SLC4A10: variants seen among roughly 807,000 people sequenced by gnomAD.
SLC4A10 encodes solute carrier family 4 member 10.
A neutral mutation model predicts 137.7 loss-of-function variants in SLC4A10; 42 were observed. The ratio of observed to expected loss-of-function variants is 0.30; its 90% CI spans 0.24 to 0.39. The LOEUF is 0.39. Ranked by LOEUF, SLC4A10 falls within the 10% of genes least tolerant of loss-of-function variation. The pLI, the probability that SLC4A10 is intolerant of heterozygous loss-of-function variation, is 1.00. For synonymous variants in SLC4A10, 474 were observed against 464.1 expected (o/e 1.02, Z -0.27); for missense variants, 925 against 1,355.0 (o/e 0.68, Z 4.98).
chr2:161,886,998 G>A (rs1292347126), intron 10 of SLC4A10, among the ~76,000 whole-genome samples: 1 of 151,644 alleles, frequency 6.6e-6, no homozygotes, highest in African/African-American at 2.4e-5. Flanking sequence ...GTGTCCATGT[G>A]TTCTCATTGT....
chr2:161,700,673 G>A (rs2043034287), intron 1 of SLC4A10, among the ~76,000 whole-genome samples: 2 of 152,082 alleles, frequency 1.3e-5, no homozygotes, highest in African/African-American at 4.8e-5. Flanking sequence ...TTTTACAGAT[G>A]AGGAAACTTA....
intron 3 of SLC4A10, among the ~76,000 whole-genome samples, chr2:161,836,100 G>A (rs2892796): frequency 0.067 from 10,254 of 152,304 alleles, 456 homozygotes; most frequent in East Asian, 0.17. Context: ...ATGATGTCAA[G>A]ACAAGCTGTG....
chr2:161,843,466 A>G (rs1449168398), intron 4 of SLC4A10, among the ~76,000 whole-genome samples: 2 of 152,170 alleles, frequency 1.3e-5, no homozygotes, highest in African/African-American at 2.4e-5. Context: ...TGCATGCTAT[A>G]GCTGTTTGAG....
intron 3 of SLC4A10, among the ~76,000 whole-genome samples, chr2:161,833,231 T>G (rs969612541): frequency 6.6e-6 from 1 of 152,244 alleles, no homozygotes; most frequent in East Asian, 1.9e-4. Flanking sequence ...ATATCTTTTT[T>G]GCTCAGACTC....
intron 11 of SLC4A10, 71 bp from the exon 12 acceptor site, chr2:161,900,840 G>A: frequency 9.1e-7 from 1 of 1,095,048 alleles, no homozygotes; most frequent in Admixed American, 2.7e-5. Context: ...AAAATGAACT[G>A]TTATTATTAT....
intron 10 of SLC4A10, among the ~76,000 whole-genome samples, chr2:161,887,230 T>A (rs978526359): frequency 5.3e-5 from 8 of 152,178 alleles, no homozygotes; most frequent in Non-Finnish European, 1.2e-4. Flanking sequence ...TTTGCTATTG[T>A]GAATAGTGCT....
chr2:161,941,494 G>A (rs1315995883), intron 15 of SLC4A10, among the ~76,000 whole-genome samples: 1 of 152,128 alleles, frequency 6.6e-6, no homozygotes, highest in African/African-American at 2.4e-5. Flanking sequence ...TATGTCCCAT[G>A]TTCACTTTGG....
At chr2:161,862,727 C>A in intron 5 of SLC4A10, 147 bp from the exon 6 acceptor site, 1 of 578,942 alleles carries the variant, frequency 1.7e-6, no homozygotes, top group Non-Finnish European at 2.6e-6. Flanking sequence ...TTTATAACAG[C>A]ATGCTTAGAG....
rs1436816864 is a variant in SLC4A10 at position 161,978,906 on chromosome 2, TC to T, written c.*26+1147del. On this transcript the variant is annotated intron_variant, in intron 26 of 26. Coordinates refer to ENST00000446997, the MANE Select transcript of SLC4A10 (RefSeq NM_001178015.2). ...TTCTAAAACATGCTTTAACTTCCTT[TC>T]TCAAAGATCCTTGCTACAGTCTGAT... is the stretch of plus-strand genomic sequence containing the variant. Among the ~76,000 whole-genome samples the T allele has an allele frequency of 2.6e-5, 4 of 152,218 alleles. No individual in the cohort carries two copies. The East Asian group carries it at 7.7e-4, about 29-fold the overall frequency.
At chr2:161,933,187 C>A (rs1257701564) in intron 15 of SLC4A10, among the ~76,000 whole-genome samples, 1 of 19,122 alleles carries the variant, frequency 5.2e-5, no homozygotes, top group Non-Finnish European at 1.1e-4. Context: ...TCCTTCTTTT[C>A]TTTCTTTCTT....
intron 1 of SLC4A10, among the ~76,000 whole-genome samples, chr2:161,762,041 A>C (rs913672450): frequency 6.6e-6 from 1 of 152,140 alleles, no homozygotes; most frequent in East Asian, 1.9e-4. Flanking sequence ...TGCGTAAATA[A>C]ATGAAACCTA....
Position 161,624,458 on chromosome 2 carries a change from T to C in SLC4A10, c.-61T>C. On this transcript the variant is annotated 5_prime_UTR_variant, in exon 1 of 27. Transcript: ENST00000446997. The stretch of plus-strand genomic sequence containing the variant: ...ATACTAAGCAGAGCGAGTGCCGGGC[T>C]GAGTGTAAGACACTGAAGACACTGC... The C allele has an allele frequency of 6.4e-7, 1 of 1,550,638 alleles. No individual in the cohort carries two copies. Among genetic ancestry groups the C allele is most frequent in the Non-Finnish European group, 8.7e-7 (1 of 1,146,250 alleles).
At chr2:161,783,393 A>T (rs2053266795) in intron 2 of SLC4A10, among the ~76,000 whole-genome samples, 1 of 152,016 alleles carries the variant, frequency 6.6e-6, no homozygotes, top group Admixed American at 6.6e-5. Flanking sequence ...ATGAAAGGAC[A>T]CTAAACAGCA....
At chr2:161,964,647 G>A (rs572965682) in intron 22 of SLC4A10, among the ~76,000 whole-genome samples, 48 of 152,114 alleles carry the variant, frequency 3.2e-4, no homozygotes, top group African/African-American at 1.1e-3. Context: ...AATGTTTCAG[G>A]CAAGTTTCAA....
At chr2:161,919,256 A>G (rs780685036) in intron 15 of SLC4A10, among the ~76,000 whole-genome samples, 3 of 152,094 alleles carry the variant, frequency 2.0e-5, no homozygotes, top group Non-Finnish European at 4.4e-5. Context: ...CTTAGCACGA[A>G]CAGCCTGGGC....
chr2:161,877,144 A>G (rs957406818), intron 8 of SLC4A10, among the ~76,000 whole-genome samples: 1 of 152,120 alleles, frequency 6.6e-6, no homozygotes, highest in Non-Finnish European at 1.5e-5. Context: ...TTCATCTTTA[A>G]ACAGTTATTT....
intron 1 of SLC4A10, among the ~76,000 whole-genome samples, chr2:161,752,205 T>C (rs1455124947): frequency 6.6e-6 from 1 of 152,018 alleles, no homozygotes; most frequent in Non-Finnish European, 1.5e-5. Flanking sequence ...GTTTTACATG[T>C]ACCTTCCATA....
chr2:161,714,119 A>G (rs534041730), intron 1 of SLC4A10, among the ~76,000 whole-genome samples: 2 of 152,076 alleles, frequency 1.3e-5, no homozygotes, highest in Admixed American at 6.6e-5. Context: ...GGAGACTCAT[A>G]TAACTGAGAA....
intron 14 of SLC4A10, 86 bp downstream of exon 14, chr2:161,904,995 C>A: frequency 7.3e-7 from 1 of 1,370,184 alleles, no homozygotes; most frequent in South Asian, 1.5e-5. Context: ...TTTTGGAGGT[C>A]TGTTGATAGA....
Sources: allele counts gnomAD v4.1 joint callset (sites outside exome capture counted in the v4.1 genomes callset), GRCh38; gene constraint gnomAD v4.1.1; transcripts MANE v1.5; gene names NCBI Gene and HGNC (gene_info 2026-07-23, HGNC 2026-07-21).